The following TOP1MT variants were observed in gnomAD, a reference collection of about 807,000 sequenced individuals.
The protein encoded by TOP1MT is DNA topoisomerase I, mitochondrial.
Under a neutral mutation model 73.9 loss-of-function variants are expected in TOP1MT, and 80 were observed. The ratio of observed to expected loss-of-function variants is 1.08; its 90% CI spans 0.90 to 1.30. TOP1MT has a LOEUF of 1.30. Ranked by LOEUF, TOP1MT falls within the 50% of genes most tolerant of loss-of-function variation. TOP1MT has a pLI of 0.00. For synonymous variants in TOP1MT, 338 were observed against 326.4 expected, an observed-to-expected ratio of 1.04 and a Z score of -0.38; for missense variants, 815 against 808.0, an observed-to-expected ratio of 1.01 and a Z score of -0.10.
chr8:143,331,188 C>G, intron 2 of TOP1MT, 36 bp downstream of exon 2: 1 of 1,534,776 alleles, frequency 6.5e-7, no homozygotes, highest in African/African-American at 1.4e-5. Context: ...GGGAACCAAG[C>G]GCAGGCTGGG....
upstream of TOP1MT, among the ~76,000 whole-genome samples, chr8:143,337,165 G>A (rs1214887983): frequency 7.2e-5 from 11 of 152,168 alleles, no homozygotes; most frequent in Admixed American, 7.2e-4. Context: ...AGTGGCTCAC[G>A]CCTGTAATCC....
At position 143,352,387 on chromosome 8, in the gene TOP1MT, G is replaced by A. The variant is rs183890507; in HGVS notation, c.-39+3578C>T. ...TCAGAGTCCGGAAATAAACCCACAT[G>A]CCTGTGGGCAACTGATTTCAACAAG... On this transcript the variant is annotated intron_variant, in intron 1 of 5. Coordinates refer to the TOP1MT transcript ENST00000518760. 5.8e-4 allele frequency among the ~76,000 whole-genome samples: 88 copies of A among 152,274 alleles called. No homozygotes were observed. The East Asian group carries it at 0.014, about 24-fold the overall frequency.
intron 2 of TOP1MT, 100 bp from the exon 3 acceptor site, chr8:143,329,571 A>G (rs980484860): frequency 3.3e-5 from 47 of 1,403,114 alleles, no homozygotes; most frequent in Admixed American, 4.9e-5. Flanking sequence ...CGTGCGTACT[A>G]TGCCAAGAGC....
chr8:143,328,100 A>G, intron 3 of TOP1MT: 1 of 388,700 alleles, frequency 2.6e-6, no homozygotes, highest in Non-Finnish European at 5.1e-6. Flanking sequence ...GACATTGTTA[A>G]GAGAACGCAA....
At chr8:143,322,566 G>A (rs1411482116) in intron 7 of TOP1MT, among the ~76,000 whole-genome samples, 2 of 39,416 alleles carry the variant, frequency 5.1e-5, no homozygotes, top group South Asian at 1.0e-3. Context: ...GCCACACACA[G>A]ACACGCCACA....
At chr8:143,321,953 G>GCACGCCACACACA (rs1816423486) in intron 7 of TOP1MT, among the ~76,000 whole-genome samples, 3 of 69,084 alleles carry the variant, frequency 4.3e-5, no homozygotes, top group African/African-American at 1.2e-4. Flanking sequence ...CGCCACACAC[G>GCACGCCACACACA]CACGCCACAC....
intron 12 of TOP1MT, among the ~76,000 whole-genome samples, chr8:143,310,963 T>TC (rs1301126604): frequency 6.6e-6 from 1 of 150,456 alleles, no homozygotes; most frequent in Admixed American, 6.6e-5. Context: ...TCTTGGCTTT[T>TC]TTTTTTTTTT....
At position 143,321,487 on chromosome 8, in the gene TOP1MT, GCCACACACGCACGCCACACACACGCACT is replaced by G. The variant is rs1212320640; in HGVS notation, c.961-129_961-102del. The stretch of plus-strand genomic sequence containing the variant: ...CGCCACACACGCACGCCACACGCAC[GCCACACACGCACGCCACACACACGCACT>G]CCACACACGCACGCCACACACACGC... On this transcript the variant is annotated intron_variant, in intron 7 of 13. Transcript: ENST00000329245. The G allele has an allele frequency of 8.8e-5, 39 of 444,840 alleles. No individual in the cohort carries two copies. In the South Asian group the frequency reaches 1.2e-3, roughly 14 times the overall value. 27.6% of individuals were successfully genotyped at this position (444,840 alleles called of 1,614,324 possible). A position where few individuals can be genotyped will look rare whatever the true frequency, so the allele number is the denominator to read the frequency against.
At chr8:143,321,431 A>C in intron 7 of TOP1MT, 45 bp from the exon 8 acceptor site, 1 of 1,503,640 alleles carries the variant, frequency 6.7e-7, no homozygotes, top group Non-Finnish European at 9.0e-7. Context: ...GTGCACACGC[A>C]CGCCACACAC....
At chr8:143,335,230 G>A (rs891072289), upstream of TOP1MT, among the ~76,000 whole-genome samples, 2 of 152,236 alleles carry the variant, frequency 1.3e-5, no homozygotes, top group African/African-American at 4.8e-5. Flanking sequence ...GAGCCTCTGA[G>A]GGCAGGGGCA....
At chr8:143,338,969 AG>A (rs1817028238), upstream of TOP1MT, among the ~76,000 whole-genome samples, 1 of 152,250 alleles carries the variant, frequency 6.6e-6, no homozygotes, top group Admixed American at 6.5e-5. Flanking sequence ...AGCAGGTAGG[AG>A]GACCCCTGTT....
intron 7 of TOP1MT, among the ~76,000 whole-genome samples, chr8:143,323,054 ACACACAGGCACAC>A (rs1243557561): frequency 2.6e-5 from 3 of 116,396 alleles, no homozygotes; most frequent in African/African-American, 1.1e-4. Context: ...CAGGCACGCC[ACACACAGGCACAC>A]CACACACGCA....
At chr8:143,340,882 C>T (rs1178362528) in intron 2 of TOP1MT, among the ~76,000 whole-genome samples, 1 of 152,186 alleles carries the variant, frequency 6.6e-6, no homozygotes, top group Non-Finnish European at 1.5e-5. Flanking sequence ...CATCCTCGTC[C>T]TCGTTCTGTG....
At position 143,309,359 on chromosome 8, in the gene TOP1MT, T is replaced by G. The variant is rs1010423412; in HGVS notation, c.*82A>C. On this transcript the variant is annotated 3_prime_UTR_variant, in exon 14 of 14. Transcript: ENST00000329245. The stretch of plus-strand genomic sequence containing the variant: ...GATGTACAAGCACTTGCACACATTT[T>G]ATTGTACAAAATTCCCCAGTACTGC... 2.7e-6 allele frequency: 4 copies of G among 1,463,206 alleles called. No individual in the cohort carries two copies. Among genetic ancestry groups the G allele is most frequent in the Non-Finnish European group, 2.8e-6 (3 of 1,066,514 alleles). The allele number at this position is 1,463,206 out of a possible 1,614,324, so 90.6% of individuals were successfully genotyped here. A position where few individuals can be genotyped will look rare whatever the true frequency, so the allele number is the denominator to read the frequency against.
intron 1 of TOP1MT, among the ~76,000 whole-genome samples, 161 bp from the exon 2 acceptor site, chr8:143,331,500 A>G (rs558409618): frequency 6.6e-6 from 1 of 152,084 alleles, no homozygotes; most frequent in East Asian, 1.9e-4. Flanking sequence ...AGGCAACCCT[A>G]CCTGACCTCA....
chr8:143,314,915 A>C (rs970201104), intron 12 of TOP1MT, among the ~76,000 whole-genome samples: 6 of 152,220 alleles, frequency 3.9e-5, no homozygotes, highest in African/African-American at 1.4e-4. Context: ...ATGAGGGGAC[A>C]TAGTGAGGAG....
chr8:143,336,821 G>A (rs956196531), upstream of TOP1MT, among the ~76,000 whole-genome samples: 1 of 151,848 alleles, frequency 6.6e-6, no homozygotes, highest in Non-Finnish European at 1.5e-5. Context: ...TATCTCTATG[G>A]AAAATAAAAT....
At chr8:143,311,435 G>T (rs535881491) in intron 12 of TOP1MT, among the ~76,000 whole-genome samples, 19 of 152,236 alleles carry the variant, frequency 1.2e-4, no homozygotes, top group African/African-American at 4.3e-4. Context: ...ATCCTGAAGA[G>T]AAAACTTTTA....
At chr8:143,319,297 T>A (rs1321609004) in intron 8 of TOP1MT, among the ~76,000 whole-genome samples, 3 of 152,022 alleles carry the variant, frequency 2.0e-5, no homozygotes, top group East Asian at 1.9e-4. Context: ...TTTTTTATTT[T>A]TTTTTTTAAT....
Sources: allele counts gnomAD v4.1 joint callset (sites outside exome capture counted in the v4.1 genomes callset), GRCh38; gene constraint gnomAD v4.1.1; transcripts MANE v1.5; gene names NCBI Gene and HGNC (gene_info 2026-07-23, HGNC 2026-07-21).